PKD1L3: variants seen among roughly 807,000 people sequenced by gnomAD.
PKD1L3 encodes polycystin-1-like protein 3.
PKD1L3 carries 239 observed loss-of-function variants against 184.1 expected under a neutral mutation model. The observed-to-expected ratio is 1.30, with a 90% CI of 1.17 to 1.45. PKD1L3 has a LOEUF of 1.45. Ranked by LOEUF, PKD1L3 falls within the 40% of genes most tolerant of loss-of-function variation. The pLI, the probability that PKD1L3 is intolerant of heterozygous loss-of-function variation, is 0.00. For synonymous variants in PKD1L3, 996 were observed against 778.8 expected, an observed-to-expected ratio of 1.28 and a Z score of -4.64; for missense variants, 2,660 against 2,067.2, an observed-to-expected ratio of 1.29 and a Z score of -5.56.
intron 6 of PKD1L3, among the ~76,000 whole-genome samples, chr16:71,982,698 G>C (rs543518094): frequency 2.0e-5 from 3 of 152,164 alleles, no homozygotes; most frequent in African/African-American, 7.2e-5. Context: ...CTGGACTCAA[G>C]CAATCCTCCT....
intron 4 of PKD1L3, 107 bp downstream of exon 4, chr16:71,990,173 G>A: frequency 4.5e-6 from 4 of 886,136 alleles, no homozygotes; most frequent in South Asian, 2.8e-5. Flanking sequence ...TTCCTTATTA[G>A]AAAACTATAT....
At chr16:71,951,536 T>G (rs2038834124) in intron 19 of PKD1L3, 28 bp downstream of exon 19, 1 of 1,531,676 alleles carries the variant, frequency 6.5e-7, no homozygotes, top group Non-Finnish European at 8.8e-7. Context: ...AGATGGAAGA[T>G]TCGTTACTGA....
chr16:71,988,510 T>G (rs1480798377), intron 4 of PKD1L3, among the ~76,000 whole-genome samples: 1 of 152,160 alleles, frequency 6.6e-6, no homozygotes, highest in Admixed American at 6.5e-5. Flanking sequence ...ACGTGAAAGT[T>G]CAGATGGGAG....
chr16:71,969,527 G>A (rs1424744643), intron 13 of PKD1L3, among the ~76,000 whole-genome samples: 2 of 145,402 alleles, frequency 1.4e-5, no homozygotes, highest in Non-Finnish European at 3.0e-5. Context: ...GGCCAGGCTG[G>A]CCTTGAACTC....
At chr16:71,966,598 TTTGAAA>T (rs1426644693) in intron 15 of PKD1L3, among the ~76,000 whole-genome samples, 1 of 152,004 alleles carries the variant, frequency 6.6e-6, no homozygotes, top group Non-Finnish European at 1.5e-5. Flanking sequence ...GGCGATTTTT[TTTGAAA>T]TTTTTTTTGT....
At chr16:71,985,810 T>C (rs150094193) in intron 5 of PKD1L3, among the ~76,000 whole-genome samples, 1,640 of 152,256 alleles carry the variant, frequency 0.011, 25 homozygotes, top group African/African-American at 0.036. Flanking sequence ...CAAGTGATCC[T>C]CTCACCTTGG....
At position 71,998,312 on chromosome 16, in the gene PKD1L3, C is replaced by T. The variant is rs879198613; in HGVS notation, c.378G>A (p.Gly126=). 2.6e-6 allele frequency: 4 copies of T among 1,552,184 alleles called. No homozygotes were observed. In the South Asian group the frequency reaches 3.6e-5, roughly 14 times the overall value. The change falls in exon 2 of 30, where the codon GGG becomes GGA. Residue 126 remains glycine (G), a synonymous_variant. Transcript: ENST00000620267. ...SRNFIRISSK[G]DKCLLKYYFI... is the part of the protein sequence containing the mutation. The stretch of plus-strand genomic sequence containing the variant: ...AATAGTATTTCAGTAAGCACTTGTC[C>T]CCTTTGGATGAGATCCGAATGAAGT...
At position 71,978,337 on chromosome 16, in the gene PKD1L3, T is replaced by C; in HGVS notation, c.1445A>G (p.Asn482Ser). The C allele has an allele frequency of 6.4e-7, 1 of 1,550,832 alleles. No homozygotes were observed. The highest frequency in any genetic ancestry group is 1.2e-5 in the South Asian group (1 of 84,052). The change falls in exon 10 of 30, where the codon AAC becomes AGC. Residue 482 changes from asparagine to serine, a missense_variant. By Grantham distance (46) the Asn-to-Ser change is conservative. Transcript: ENST00000620267. The part of the protein sequence containing the change: ...FNPFKDLDNR[N>S]IVGSIGSVLL... ...CACACTTCCAATGCTTCCAACAATG[T>C]TTCTGTTGTCCAAATCCTTGAAGGG...
chr16:71,982,185 G>A lies in PKD1L3; in HGVS notation c.1017C>T (p.Ile339=). Reference sequence around the variant, plus strand: ...CCAGACTGTTGTTGTTCTGAAATGGGATCCTGAGTAACTCCTCACTCAGGT... The same window carrying A: ...CCAGACTGTTGTTGTTCTGAAATGGAATCCTGAGTAACTCCTCACTCAGGT... ...LIYLSEELLR[I]PFQNNNSLGF... is the part of the protein sequence containing the mutation. Residue 339 remains isoleucine (I), a synonymous_variant, in exon 7 of 30, where the codon ATC becomes ATT. Coordinates refer to ENST00000620267, the MANE Select transcript of PKD1L3 (RefSeq NM_181536.2). 4 of 1,550,418 alleles carry A rather than the reference G, an allele frequency of 2.6e-6. No homozygotes were observed. Among genetic ancestry groups the A allele is most frequent in the Non-Finnish European group, 3.5e-6 (4 of 1,146,482 alleles).
chr16:71,996,380 C>A (rs1299232618), intron 2 of PKD1L3, among the ~76,000 whole-genome samples: 1 of 151,704 alleles, frequency 6.6e-6, no homozygotes, highest in African/African-American at 2.4e-5. Flanking sequence ...CCTGCCTCAG[C>A]CTCCTGAGTA....
At chr16:71,973,199 G>T in intron 12 of PKD1L3, 125 bp downstream of exon 12, 4 of 1,186,140 alleles carry the variant, frequency 3.4e-6, no homozygotes, top group Non-Finnish European at 4.7e-6. Context: ...TTTTGCCCAG[G>T]CAGAGTTATT....
intron 4 of PKD1L3, among the ~76,000 whole-genome samples, chr16:71,987,302 C>T (rs1239537130): frequency 1.3e-5 from 2 of 151,786 alleles, no homozygotes; most frequent in African/African-American, 2.4e-5. Flanking sequence ...CTCCTTGCAG[C>T]CTTGACCTCC....
At position 71,993,269 on chromosome 16, in the gene PKD1L3, C is replaced by A; in HGVS notation, c.482G>T (p.Arg161Ile). ...RNGNNSHLYQ[R>I]HKKTKRGVAI... ...AACTCCTCTTTTTGTCTTCTTGTGT[C>A]TCTGGTACAAATGGGAATTATTTCC... The change falls in exon 3 of 30, where the codon AGA becomes ATA. Residue 161 changes from arginine to isoleucine, a missense_variant. Arg to Ile is a moderately conservative substitution (Grantham distance 97, BLOSUM62 -3). Coordinates refer to ENST00000620267, the MANE Select transcript of PKD1L3 (RefSeq NM_181536.2). The A allele has an allele frequency of 2.6e-6, 4 of 1,550,214 alleles. No homozygotes were observed. The highest frequency in any genetic ancestry group is 3.5e-6 in the Non-Finnish European group (4 of 1,146,448).
At chr16:71,975,897 G>T (rs1423245551) in intron 11 of PKD1L3, among the ~76,000 whole-genome samples, 1 of 151,386 alleles carries the variant, frequency 6.6e-6, no homozygotes, top group Non-Finnish European at 1.5e-5. Flanking sequence ...ATATACTCTA[G>T]TTATGCAAGA....
At chr16:71,931,925 G>A (rs375769257) in intron 28 of PKD1L3, among the ~76,000 whole-genome samples, 6 of 152,078 alleles carry the variant, frequency 3.9e-5, no homozygotes, top group African/African-American at 9.7e-5. Context: ...AGACAGTCTC[G>A]CTCAGAGGGC....
chr16:71,949,345 GCTT>G (rs2038739531), intron 21 of PKD1L3, among the ~76,000 whole-genome samples: 1 of 135,354 alleles, frequency 7.4e-6, no homozygotes, highest in East Asian at 2.1e-4. Flanking sequence ...ATGTCAGTTT[GCTT>G]TTTTTTTTTT....
At chr16:71,979,106 G>T (rs2040048234) in intron 9 of PKD1L3, among the ~76,000 whole-genome samples, 1 of 152,128 alleles carries the variant, frequency 6.6e-6, no homozygotes, top group Non-Finnish European at 1.5e-5. Context: ...TGACTGGGTT[G>T]GTATACTGAG....
intron 24 of PKD1L3, among the ~76,000 whole-genome samples, chr16:71,937,793 C>A (rs974491577): frequency 1.3e-5 from 2 of 152,140 alleles, no homozygotes; most frequent in Non-Finnish European, 2.9e-5. Flanking sequence ...GATACTCAGT[C>A]ATTTACATAA....
intron 4 of PKD1L3, 45 bp from the exon 5 acceptor site, chr16:71,986,514 A>G (rs1252472595): frequency 5.9e-6 from 9 of 1,514,284 alleles, no homozygotes; most frequent in Non-Finnish European, 8.0e-6. Context: ...ATCTGATTTT[A>G]CCATTTTATA....
Sources: allele counts gnomAD v4.1 joint callset (sites outside exome capture counted in the v4.1 genomes callset), GRCh38; gene constraint gnomAD v4.1.1; transcripts MANE v1.5; gene names NCBI Gene and HGNC (gene_info 2026-07-23, HGNC 2026-07-21).